LRP1B: variants seen among roughly 807,000 people sequenced by gnomAD.
LRP1B encodes the protein LDL receptor related protein 1B.
LRP1B carries 217 observed loss-of-function variants against 556.6 expected under a neutral mutation model. The observed-to-expected ratio is 0.39, with a 90% CI of 0.35 to 0.44. The LOEUF is 0.44. Among genes scored for constraint, LRP1B ranks in the 20% least tolerant of loss-of-function variants. The pLI is 1.00. For missense variants in LRP1B, 5,053 were observed against 5,620.8 expected (o/e 0.90, Z 3.23); for synonymous variants, 2,047 against 1,865.8 (o/e 1.10, Z -2.50).
chr2:140,710,994 G>C (rs904714745), intron 37 of LRP1B, among the ~76,000 whole-genome samples: 2 of 151,966 alleles, frequency 1.3e-5, no homozygotes, highest in Admixed American at 6.6e-5. Context: ...AAAGGGAAAG[G>C]CTTCATTGAA....
chr2:141,331,292 A>G (rs533677180), intron 3 of LRP1B, among the ~76,000 whole-genome samples: 24 of 152,284 alleles, frequency 1.6e-4, no homozygotes, highest in Non-Finnish European at 2.9e-4. Flanking sequence ...GTAAGGAGAC[A>G]ATGAGCTCAA....
At chr2:141,549,445 G>A (rs988479720) in intron 2 of LRP1B, among the ~76,000 whole-genome samples, 3 of 152,052 alleles carry the variant, frequency 2.0e-5, no homozygotes, top group African/African-American at 7.2e-5. Context: ...AGTTTACTTT[G>A]GAAGAATTCC....
At chr2:141,902,316 TTTA>T (rs1354049347) in intron 1 of LRP1B, among the ~76,000 whole-genome samples, 37 of 152,014 alleles carry the variant, frequency 2.4e-4, no homozygotes, top group African/African-American at 8.7e-4. Flanking sequence ...CTGTTAAATT[TTTA>T]TTAATTTCTA....
intron 15 of LRP1B, among the ~76,000 whole-genome samples, chr2:140,995,368 G>A (rs1357727145): frequency 1.3e-5 from 2 of 151,992 alleles, no homozygotes; most frequent in Non-Finnish European, 2.9e-5. Flanking sequence ...ATTTTAAGTA[G>A]GGAGATGTAT....
intron 89 of LRP1B, among the ~76,000 whole-genome samples, chr2:140,236,774 C>T (rs1228365001): frequency 6.6e-6 from 1 of 150,800 alleles, no homozygotes; most frequent in Non-Finnish European, 1.5e-5. Context: ...AAACAACATA[C>T]TTATTTTGAT....
At chr2:141,962,647 C>G (rs1262600613) in intron 1 of LRP1B, among the ~76,000 whole-genome samples, 1 of 151,680 alleles carries the variant, frequency 6.6e-6, no homozygotes, top group African/African-American at 2.4e-5. Flanking sequence ...ATTTGTACTT[C>G]TATAAAAAGA....
chr2:141,080,663 G>C (rs966122254), intron 7 of LRP1B, among the ~76,000 whole-genome samples: 1 of 152,168 alleles, frequency 6.6e-6, no homozygotes, highest in Non-Finnish European at 1.5e-5. Context: ...GCATACAAAA[G>C]ACACCGTCAG....
intron 41 of LRP1B, among the ~76,000 whole-genome samples, chr2:140,677,682 G>A (rs1489335081): frequency 6.6e-6 from 1 of 151,384 alleles, no homozygotes; most frequent in Non-Finnish European, 1.5e-5. Flanking sequence ...AGATCAGCCT[G>A]GTCAACATGG....
intron 3 of LRP1B, among the ~76,000 whole-genome samples, chr2:141,427,952 A>G (rs911110100): frequency 6.6e-6 from 1 of 152,182 alleles, no homozygotes; most frequent in Non-Finnish European, 1.5e-5. Context: ...TAAATCTAAG[A>G]GTACTTTTCA....
chr2:140,545,657 A>ATGAG, intron 43 of LRP1B, among the ~76,000 whole-genome samples: 1 of 151,898 alleles, frequency 6.6e-6, no homozygotes, highest in Non-Finnish European at 1.5e-5. Flanking sequence ...CAGTTTTTGT[A>ATGAG]TGAGTATCTT....
intron 6 of LRP1B, among the ~76,000 whole-genome samples, chr2:141,217,350 T>A (rs975208695): frequency 1.3e-5 from 2 of 152,202 alleles, no homozygotes; most frequent in African/African-American, 4.8e-5. Flanking sequence ...TATAATTGGG[T>A]GTGATGGTAA....
intron 3 of LRP1B, among the ~76,000 whole-genome samples, chr2:141,306,460 T>C (rs952847749): frequency 6.6e-6 from 1 of 152,146 alleles, no homozygotes; most frequent in Non-Finnish European, 1.5e-5. Context: ...TGTATTTCTG[T>C]GATATCAGTT....
intron 25 of LRP1B, among the ~76,000 whole-genome samples, chr2:140,880,359 G>T (rs17518189): frequency 6.6e-6 from 1 of 151,798 alleles, no homozygotes; most frequent in Non-Finnish European, 1.5e-5. Flanking sequence ...GGGATTCATG[G>T]TCTCTTTCAG....
intron 2 of LRP1B, among the ~76,000 whole-genome samples, chr2:141,690,396 A>AATAAATATATATAT (rs5834858): frequency 0.016 from 411 of 26,406 alleles, 5 homozygotes; most frequent in Non-Finnish European, 0.024. Context: ...TACATCTATA[A>AATAAATATATATAT]ATATATATAT....
intron 1 of LRP1B, among the ~76,000 whole-genome samples, chr2:142,090,513 C>A (rs1472775113): frequency 6.6e-6 from 1 of 152,062 alleles, no homozygotes; most frequent in Admixed American, 6.6e-5. Flanking sequence ...AATGAGAACC[C>A]AATGTTTTAA....
chr2:141,791,977 T>C (rs1695629868), intron 2 of LRP1B, among the ~76,000 whole-genome samples: 1 of 151,940 alleles, frequency 6.6e-6, no homozygotes. Context: ...CTTCGGTAAG[T>C]GCACGTTTGG....
chr2:142,034,246 GA>G (rs1703800146), intron 1 of LRP1B, among the ~76,000 whole-genome samples: 1 of 151,640 alleles, frequency 6.6e-6, no homozygotes, highest in African/African-American at 2.4e-5. Context: ...TGTTTATAAA[GA>G]GTATAATATG....
intron 32 of LRP1B, among the ~76,000 whole-genome samples, chr2:140,805,238 A>G (rs963844838): frequency 6.6e-6 from 1 of 152,302 alleles, no homozygotes; most frequent in South Asian, 2.1e-4. Context: ...GAAAATTGCC[A>G]CTTGAAACAG....
intron 41 of LRP1B, among the ~76,000 whole-genome samples, chr2:140,688,308 C>T (rs989295265): frequency 6.6e-6 from 1 of 152,058 alleles, no homozygotes; most frequent in African/African-American, 2.4e-5. Flanking sequence ...CTATTGACCC[C>T]TTTATAGTTT....
Sources: gnomAD v4.1 joint callset for allele counts (sites outside exome capture counted in the v4.1 genomes callset) on GRCh38, gnomAD v4.1.1 for gene constraint, MANE v1.5 for transcripts, NCBI Gene and HGNC (gene_info 2026-07-23, HGNC 2026-07-21) for gene names.